The following SLC24A3 variants were observed in gnomAD, a reference collection of about 807,000 sequenced individuals.
SLC24A3 encodes solute carrier family 24 member 3.
A neutral mutation model predicts 75.8 loss-of-function variants in SLC24A3; 28 were observed. The observed-to-expected ratio is 0.37, with a 90% CI of 0.27 to 0.51. SLC24A3 has a LOEUF of 0.51. Among genes scored for constraint, SLC24A3 ranks in the 20% least tolerant of loss-of-function variants. The pLI, the probability that SLC24A3 is intolerant of heterozygous loss-of-function variation, is 0.94. For synonymous variants in SLC24A3, 372 were observed against 334.1 expected (o/e 1.11, Z -1.24); for missense variants, 663 against 847.8 (o/e 0.78, Z 2.71).
At chr20:19,265,365 G>T (rs1451334716) in intron 1 of SLC24A3, among the ~76,000 whole-genome samples, 1 of 152,216 alleles carries the variant, frequency 6.6e-6, no homozygotes, top group East Asian at 1.9e-4. Context: ...GAGAGGCTCT[G>T]TGTTCATGGC....
chr20:19,315,899 G>T (rs557960180), intron 2 of SLC24A3, among the ~76,000 whole-genome samples: 1 of 152,204 alleles, frequency 6.6e-6, no homozygotes, highest in Non-Finnish European at 1.5e-5. Flanking sequence ...AGCAAGCATC[G>T]TCACTTAGCC....
At chr20:19,538,912 T>C (rs1240991127) in intron 3 of SLC24A3, among the ~76,000 whole-genome samples, 1 of 152,230 alleles carries the variant, frequency 6.6e-6, no homozygotes, top group African/African-American at 2.4e-5. Flanking sequence ...AACAGAATGC[T>C]ATGCAACAAT....
chr20:19,318,502 TC>T (rs1394289302), intron 2 of SLC24A3, among the ~76,000 whole-genome samples: 1 of 152,154 alleles, frequency 6.6e-6, no homozygotes, highest in Non-Finnish European at 1.5e-5. Context: ...TCACGACTCT[TC>T]CAGAAAAGCC....
intron 2 of SLC24A3, among the ~76,000 whole-genome samples, chr20:19,438,408 G>A (rs531868898): frequency 1.1e-3 from 163 of 152,310 alleles, no homozygotes; most frequent in African/African-American, 3.8e-3. Context: ...TGCTTAGGGG[G>A]TGGTAGGTAG....
intron 1 of SLC24A3, among the ~76,000 whole-genome samples, chr20:19,239,120 T>TTA (rs749773808): frequency 7.1e-6 from 1 of 141,090 alleles, no homozygotes; most frequent in African/African-American, 2.6e-5. Context: ...AAGCTTATTT[T>TTA]AAAAAAAAAA....
At chr20:19,357,266 G>A (rs968175102) in intron 2 of SLC24A3, among the ~76,000 whole-genome samples, 2 of 152,170 alleles carry the variant, frequency 1.3e-5, no homozygotes, top group Admixed American at 1.3e-4. Flanking sequence ...TCTGGAGGGG[G>A]CATGGCTCTG....
intron 9 of SLC24A3, among the ~76,000 whole-genome samples, chr20:19,679,098 G>C (rs2032575283): frequency 1.3e-5 from 2 of 152,118 alleles, no homozygotes; most frequent in Admixed American, 1.3e-4. Flanking sequence ...TCCTAGACAG[G>C]GTGGCGGCCG....
chr20:19,274,880 G>A (rs918491014), intron 1 of SLC24A3, among the ~76,000 whole-genome samples: 2 of 152,202 alleles, frequency 1.3e-5, no homozygotes, highest in Non-Finnish European at 2.9e-5. Flanking sequence ...TAAACTGTAG[G>A]GTGGGGTATT....
At chr20:19,252,713 G>A (rs73124840) in intron 1 of SLC24A3, among the ~76,000 whole-genome samples, 4,419 of 149,826 alleles carry the variant, frequency 0.029, 93 homozygotes, top group Non-Finnish European at 0.042. Context: ...TCATTTGTAT[G>A]TGACTTTGTC....
At chr20:19,215,339 G>T (rs977668304) in intron 1 of SLC24A3, among the ~76,000 whole-genome samples, 1 of 152,104 alleles carries the variant, frequency 6.6e-6, no homozygotes, top group Non-Finnish European at 1.5e-5. Flanking sequence ...CACAGCATTC[G>T]AAGAGTAGAG....
At chr20:19,526,726 A>G (rs1013231968) in intron 3 of SLC24A3, among the ~76,000 whole-genome samples, 1 of 152,222 alleles carries the variant, frequency 6.6e-6, no homozygotes. Context: ...TTCAAACCCC[A>G]GCCTTGCTGT....
chr20:19,708,159 A>G (rs1207325469), intron 15 of SLC24A3, among the ~76,000 whole-genome samples: 1 of 152,174 alleles, frequency 6.6e-6, no homozygotes, highest in Non-Finnish European at 1.5e-5. Context: ...ACCTTGTCCA[A>G]GGTCCTTCTT....
chr20:19,228,268 T>TC (rs1221778600), intron 1 of SLC24A3, among the ~76,000 whole-genome samples: 6 of 152,164 alleles, frequency 3.9e-5, no homozygotes, highest in African/African-American at 1.4e-4. Context: ...GGGGTATGGA[T>TC]CCCCTTGGCT....
At chr20:19,570,967 G>A (rs1173508414) in intron 3 of SLC24A3, among the ~76,000 whole-genome samples, 2 of 152,138 alleles carry the variant, frequency 1.3e-5, no homozygotes. Context: ...CATAGAAGGG[G>A]ATTTGAGGCC....
intron 2 of SLC24A3, among the ~76,000 whole-genome samples, chr20:19,445,646 G>A (rs141020742): frequency 2.4e-4 from 36 of 152,256 alleles, no homozygotes; most frequent in African/African-American, 8.2e-4. Flanking sequence ...ATATTCATCC[G>A]CAACACCCAT....
chr20:19,380,223 T>C (rs1986157449), intron 2 of SLC24A3, among the ~76,000 whole-genome samples: 2 of 152,154 alleles, frequency 1.3e-5, no homozygotes, highest in South Asian at 4.1e-4. Context: ...GGAAGCGTAT[T>C]GACCAGGTGA....
chr20:19,503,484 A>G (rs1988416783), intron 2 of SLC24A3, among the ~76,000 whole-genome samples: 1 of 152,230 alleles, frequency 6.6e-6, no homozygotes, highest in Non-Finnish European at 1.5e-5. Flanking sequence ...GTTCTAATCT[A>G]CCCTTAAAAG....
rs1198694325 is a variant in SLC24A3, at chr20:19,626,004, A to G, written c.613-28058A>G. On this transcript the variant is annotated intron_variant, in intron 6 of 16. Transcript: ENST00000328041. The stretch of plus-strand genomic sequence containing the variant: ...TCCTATTTATCTAGGGGCATAGTTT[A>G]TTCATTTTTCCTGAGTTTAGCCCAC... 2.0e-5 allele frequency among the ~76,000 whole-genome samples: 3 copies of G among 152,050 alleles called. No individual in the cohort carries two copies. In the East Asian group the frequency reaches 5.8e-4, roughly 29 times the overall value.
At chr20:19,595,400 G>A (rs2031439130) in intron 6 of SLC24A3, among the ~76,000 whole-genome samples, 1 of 152,154 alleles carries the variant, frequency 6.6e-6, no homozygotes. Context: ...AGGGGAGGAT[G>A]AGTATATGAT....
Sources: gnomAD v4.1 joint callset for allele counts (sites outside exome capture counted in the v4.1 genomes callset) on GRCh38, gnomAD v4.1.1 for gene constraint, MANE v1.5 for transcripts, NCBI Gene and HGNC (gene_info 2026-07-23, HGNC 2026-07-21) for gene names.